The following TTC7A variants were observed in gnomAD, a reference collection of about 807,000 sequenced individuals.
The protein encoded by TTC7A is tetratricopeptide repeat protein 7A.
In TTC7A, 110 loss-of-function variants were observed where a neutral mutation model predicts 103.7. The ratio of observed to expected loss-of-function variants is 1.06; its 90% CI spans 0.91 to 1.24. The LOEUF (loss-of-function observed/expected upper bound fraction) is 1.24, where lower values mean the gene tolerates loss of function less well. Ranked by LOEUF, TTC7A falls within the 50% of genes most tolerant of loss-of-function variation. The probability of loss-of-function intolerance (pLI) is 0.00; values close to 1 mark genes in which losing one functional copy is unlikely to be tolerated. For synonymous variants in TTC7A, 521 were observed against 467.9 expected, an observed-to-expected ratio of 1.11 and a Z score of -1.47; for missense variants, 1,340 against 1,116.3, an observed-to-expected ratio of 1.20 and a Z score of -2.86.
intron 19 of TTC7A, chr2:47,065,646 G>C (rs536526666): frequency 2.0e-5 from 3 of 152,332 alleles, no homozygotes; most frequent in Admixed American, 6.5e-5. Context: ...CTTCTTCTCA[G>C]TTGCCTTCAG....
intron 2 of TTC7A, among the ~76,000 whole-genome samples, chr2:46,952,060 G>C (rs962269207): frequency 6.6e-6 from 1 of 152,200 alleles, no homozygotes; most frequent in Admixed American, 6.5e-5. Context: ...TTTGGGGCTA[G>C]TAAGGGCAGA....
chr2:46,928,845 G>A (rs71423929), intron 2 of TTC7A, among the ~76,000 whole-genome samples: 6,274 of 152,182 alleles, frequency 0.041, 164 homozygotes, highest in Middle Eastern at 0.088. Context: ...AGAGGGGTAG[G>A]GGGGGAAGCT....
chr2:47,011,470 C>T, intron 11 of TTC7A, 35 bp downstream of exon 11: 1 of 1,544,772 alleles, frequency 6.5e-7, no homozygotes, highest in Non-Finnish European at 8.8e-7. Context: ...CCAGAGGCCT[C>T]CTGTGGGGAG....
chr2:47,014,157 A>T (rs1678374596), intron 11 of TTC7A, among the ~76,000 whole-genome samples: 2 of 152,172 alleles, frequency 1.3e-5, no homozygotes, highest in Admixed American at 1.3e-4. Context: ...ATTCTGTCTT[A>T]TGTGGTGCAT....
At chr2:46,935,429 A>AC (rs1417679970) in intron 2 of TTC7A, among the ~76,000 whole-genome samples, 1 of 152,188 alleles carries the variant, frequency 6.6e-6, no homozygotes, top group Non-Finnish European at 1.5e-5. Flanking sequence ...AAATAAAAAA[A>AC]CAAAACAGAC....
chr2:47,007,624 C>T lies in TTC7A; in HGVS notation c.1287+900C>T, dbSNP rs928746335. The stretch of plus-strand genomic sequence containing the variant: ...TCCTGGCTTGCCAGTGCCTCCTCCA[C>T]GCATCAAGGGCGTGCCAGCCAGCTC... On this transcript the variant is annotated intron_variant, in intron 10 of 19. Coordinates refer to ENST00000319190, the MANE Select transcript of TTC7A (RefSeq NM_020458.4). This position sits in a 1 kb window ranked among gnomAD's most constrained non-coding sequence, Gnocchi z 4.9. 3.2e-4 allele frequency among the ~76,000 whole-genome samples: 49 copies of T among 152,124 alleles called. No individual in the cohort carries two copies. Among genetic ancestry groups the T allele is most frequent in the African/African-American group, 9.4e-4 (39 of 41,436 alleles).
chr2:47,062,441 G>A (rs752305918), intron 19 of TTC7A, among the ~76,000 whole-genome samples: 3 of 152,198 alleles, frequency 2.0e-5, no homozygotes, highest in Non-Finnish European at 2.9e-5. Context: ...TTGCCTTCCA[G>A]TCAGCTCAGC....
chr2:47,072,310 C>T (rs957650481), intron 19 of TTC7A, among the ~76,000 whole-genome samples: 9 of 152,210 alleles, frequency 5.9e-5, no homozygotes, highest in African/African-American at 2.2e-4. Flanking sequence ...ACGGCTTTGC[C>T]CAGGGCTGAC....
chr2:47,071,225 CAG>C (rs1295425799), intron 19 of TTC7A: 2 of 152,284 alleles, frequency 1.3e-5, no homozygotes, highest in Admixed American at 6.5e-5. Flanking sequence ...CGGCTGGTGT[CAG>C]GGGCAGGTGG....
chr2:46,970,929 C>T (rs985393953), intron 3 of TTC7A, among the ~76,000 whole-genome samples: 4 of 152,226 alleles, frequency 2.6e-5, no homozygotes, highest in Admixed American at 6.5e-5. Flanking sequence ...CCAAGGCAAC[C>T]GAACTTTGGA....
intron 10 of TTC7A, 91 bp downstream of exon 10, chr2:47,006,815 G>A: frequency 9.4e-7 from 1 of 1,066,996 alleles, no homozygotes; most frequent in Non-Finnish European, 1.5e-6. Context: ...AGGGGAGTGG[G>A]TGGGTATTAT....
intron 2 of TTC7A, among the ~76,000 whole-genome samples, chr2:46,917,878 G>C (rs1162631803): frequency 6.6e-6 from 1 of 152,096 alleles, no homozygotes; most frequent in African/African-American, 2.4e-5. Context: ...GGGTCCTTCT[G>C]CTACCTCACT....
intron 2 of TTC7A, among the ~76,000 whole-genome samples, chr2:46,952,241 G>T (rs185435760): frequency 1.3e-5 from 2 of 152,244 alleles, no homozygotes; most frequent in East Asian, 3.9e-4. Flanking sequence ...CCCTGAGCAT[G>T]CTTGACCCCA....
chr2:46,921,837 T>G (rs1237136775), intron 2 of TTC7A, among the ~76,000 whole-genome samples: 1 of 152,150 alleles, frequency 6.6e-6, no homozygotes, highest in Non-Finnish European at 1.5e-5. Context: ...AGGGTTCGCG[T>G]TCCTGTGAGA....
intron 15 of TTC7A, among the ~76,000 whole-genome samples, chr2:47,039,819 G>C (rs1478479115): frequency 6.6e-6 from 1 of 152,196 alleles, no homozygotes; most frequent in East Asian, 1.9e-4. Flanking sequence ...TGGAGCGCTT[G>C]GGGAGATTGG....
intron 2 of TTC7A, chr2:46,951,500 C>CA (rs1671401470): frequency 2.2e-6 from 1 of 447,194 alleles, no homozygotes; most frequent in Non-Finnish European, 4.5e-6. Flanking sequence ...AAAAAAAACT[C>CA]AAAGAGGAAG....
At chr2:47,062,999 A>G (rs1310057328) in intron 19 of TTC7A, among the ~76,000 whole-genome samples, 2 of 152,216 alleles carry the variant, frequency 1.3e-5, no homozygotes, top group Non-Finnish European at 2.9e-5. Flanking sequence ...CATCCCACAC[A>G]TATGCATAAA....
intron 14 of TTC7A, among the ~76,000 whole-genome samples, chr2:47,025,285 G>GC (rs1213381955): frequency 6.6e-6 from 1 of 152,188 alleles, no homozygotes; most frequent in Non-Finnish European, 1.5e-5. Context: ...GCGGGCCACA[G>GC]CAGTCCCATT....
At chr2:47,055,128 T>C (rs571914157) in intron 18 of TTC7A, among the ~76,000 whole-genome samples, 34 of 152,140 alleles carry the variant, frequency 2.2e-4, no homozygotes, top group African/African-American at 8.2e-4. Context: ...TGACCCAGGC[T>C]AAGAATACAA....
Sources: allele counts gnomAD v4.1 joint callset (sites outside exome capture counted in the v4.1 genomes callset), GRCh38; gene constraint gnomAD v4.1.1; non-coding constraint Gnocchi (gnomAD v3.1); transcripts MANE v1.5; gene names NCBI Gene and HGNC (gene_info 2026-07-23, HGNC 2026-07-21).